The following LRBA variants were observed in gnomAD, a reference collection of about 807,000 sequenced individuals.
The protein encoded by LRBA is LPS responsive beige-like anchor protein.
In LRBA, 176 loss-of-function variants were observed where a neutral mutation model predicts 330.0. The observed-to-expected ratio is 0.53, with a 90% confidence interval of 0.47 to 0.60. LRBA has a LOEUF of 0.60. Among genes scored for constraint, LRBA ranks in the 20% least tolerant of loss-of-function variants. The pLI is 0.00. For missense variants in LRBA, 3,259 were observed against 3,444.8 expected (o/e 0.95, Z 1.35); for synonymous variants, 1,230 against 1,193.0 (o/e 1.03, Z -0.64).
At chr4:150,503,962 C>T (rs6844351) in intron 40 of LRBA, among the ~76,000 whole-genome samples, 2,718 of 152,072 alleles carry the variant, frequency 0.018, 86 homozygotes, top group African/African-American at 0.06. Flanking sequence ...CCTCAGTAGC[C>T]GATGCGATCA....
intron 2 of LRBA, among the ~76,000 whole-genome samples, chr4:150,954,817 C>CAAAAAAAAAAAAAA (rs34282784): frequency 1.3e-3 from 60 of 45,480 alleles, no homozygotes; most frequent in Non-Finnish European, 1.6e-3. Flanking sequence ...ACTCAGAAAT[C>CAAAAAAAAAAAAAA]AAAAAAAAAA....
At chr4:150,387,427 T>G (rs1165153249) in intron 47 of LRBA, among the ~76,000 whole-genome samples, 1 of 152,196 alleles carries the variant, frequency 6.6e-6, no homozygotes, top group Admixed American at 6.5e-5. Flanking sequence ...AGCACAACAT[T>G]TTTCAAATGA....
intron 37 of LRBA, among the ~76,000 whole-genome samples, chr4:150,674,719 A>C (rs918346245): frequency 4.6e-5 from 7 of 151,804 alleles, no homozygotes; most frequent in African/African-American, 1.7e-4. Flanking sequence ...TCGACAAAAA[A>C]ACTTAATTAG....
chr4:150,672,356 T>C (rs1201137455), intron 37 of LRBA, among the ~76,000 whole-genome samples: 1 of 152,004 alleles, frequency 6.6e-6, no homozygotes, highest in Non-Finnish European at 1.5e-5. Context: ...TTTTTTCTTT[T>C]TTTTTTTTAG....
intron 40 of LRBA, among the ~76,000 whole-genome samples, chr4:150,553,774 G>T (rs1168974576): frequency 6.6e-6 from 1 of 152,170 alleles, no homozygotes; most frequent in Non-Finnish European, 1.5e-5. Flanking sequence ...AATATGTTGA[G>T]TTTGTTTGGG....
At chr4:150,817,093 T>G (rs1230455415) in intron 31 of LRBA, 31 bp downstream of exon 31, 2 of 1,601,022 alleles carry the variant, frequency 1.2e-6, no homozygotes, top group East Asian at 4.5e-5. Context: ...TCTAAAAACA[T>G]TTTTGTTGAA....
At position 150,617,642 on chromosome 4, in the gene LRBA, C is replaced by CA. The variant is rs575248314; in HGVS notation, c.5922-18512dup. Among the ~76,000 whole-genome samples, 456 of 142,398 alleles carry CA rather than the reference C, an allele frequency of 3.2e-3. 1 individual carries two copies. Among genetic ancestry groups the CA allele is most frequent in the Non-Finnish European group, 4.8e-3 (315 of 64,972 alleles). The allele number at this position is 142,398 out of a possible 152,430, so 93.4% of individuals were successfully genotyped here. A position where few individuals can be genotyped will look rare whatever the true frequency, so the allele number is the denominator to read the frequency against. ...GGGCAACAAGAATGAGACTTCGTCT[C>CA]AAAAAAAAAAAATGGCTCTATCAAT... is the stretch of plus-strand genomic sequence containing the variant. On this transcript the variant is annotated intron_variant, in intron 37 of 56. Coordinates refer to ENST00000651943, the MANE Select transcript of LRBA (RefSeq NM_001364905.1).
intron 38 of LRBA, among the ~76,000 whole-genome samples, chr4:150,596,834 C>T (rs1306764071): frequency 2.6e-5 from 4 of 151,358 alleles, no homozygotes; most frequent in African/African-American, 9.7e-5. Flanking sequence ...ATAATACAAT[C>T]TATGTGCTGA....
intron 35 of LRBA, among the ~76,000 whole-genome samples, chr4:150,748,184 T>A (rs1041046420): frequency 6.6e-6 from 1 of 152,182 alleles, no homozygotes; most frequent in South Asian, 2.1e-4. Flanking sequence ...ATCACATATA[T>A]GTTTATTTCT....
chr4:150,852,450 T>A lies in LRBA; in HGVS notation c.3260A>T (p.Glu1087Val). ...TTCTGGCATCTCTGAGGCATCCTCT[T>A]CTGAAGGAGAACTTATAGAAGCAGT... Reference protein sequence around the residue: ...EVTASISSPSEEDASEMPEFL... With the variant: ...EVTASISSPSVEDASEMPEFL... Residue 1087 changes from glutamate to valine, a missense_variant, in exon 23 of 57, where the codon GAA becomes GTA. Glu to Val is a moderately radical substitution (Grantham distance 121). Coordinates refer to ENST00000651943, the MANE Select transcript of LRBA (RefSeq NM_001364905.1). The A allele has an allele frequency of 1.2e-6, 2 of 1,613,624 alleles. No individual in the cohort carries two copies. The highest frequency in any genetic ancestry group is 1.7e-6 in the Non-Finnish European group (2 of 1,179,994).
rs757123998 is a variant in LRBA at position 150,831,969 on chromosome 4, C to T, written c.4577G>A (p.Ser1526Asn). 119 of 1,502,646 alleles carry T rather than the reference C, an allele frequency of 7.9e-5. No homozygotes were observed. The highest frequency in any genetic ancestry group is 1.0e-4 in the Non-Finnish European group (113 of 1,117,786). 93.1% of individuals were successfully genotyped at this position (1,502,646 alleles called of 1,614,324 possible). ...CAAGGCTAAAAATTGAGCTTGTTTG[C>T]TATCCTCCTGGGAAAAAAAATTAAA... ...RAVVFRDIEDSKQAQFLALAV... is the reference protein window; with the variant it reads ...RAVVFRDIEDNKQAQFLALAV... The change falls in exon 29 of 57, where the codon AGC becomes AAC. Residue 1526 changes from serine (S) to asparagine (N), a missense_variant. Ser to Asn is a conservative substitution (Grantham distance 46). Transcript: ENST00000651943.
intron 56 of LRBA, 80 bp downstream of exon 56, chr4:150,277,773 A>C (rs1305660639): frequency 7.2e-7 from 1 of 1,393,674 alleles, no homozygotes; most frequent in East Asian, 2.3e-5. Context: ...AAGTACTGGG[A>C]TTACAGGTGT....
intron 2 of LRBA, among the ~76,000 whole-genome samples, chr4:150,934,816 C>G (rs920968408): frequency 7.2e-5 from 11 of 152,090 alleles, no homozygotes; most frequent in African/African-American, 2.4e-4. Context: ...TGAGATCAGC[C>G]TGGGCAACAC....
At chr4:150,428,239 T>C (rs1749902582) in intron 46 of LRBA, among the ~76,000 whole-genome samples, 1 of 152,084 alleles carries the variant, frequency 6.6e-6, no homozygotes, top group Non-Finnish European at 1.5e-5. Context: ...TTACTGACCC[T>C]ACTAACTTCA....
intron 40 of LRBA, chr4:150,580,365 T>G (rs2126356775): frequency 6.6e-6 from 1 of 152,242 alleles, no homozygotes; most frequent in Middle Eastern, 3.4e-3. Context: ...ACAAACTGCC[T>G]GTGGTCCGCA....
At chr4:150,811,351 A>G (rs1339821354) in intron 31 of LRBA, among the ~76,000 whole-genome samples, 3 of 152,228 alleles carry the variant, frequency 2.0e-5, no homozygotes, top group East Asian at 1.9e-4. Flanking sequence ...AAAGGAACAC[A>G]TAAGGACCCA....
intron 37 of LRBA, among the ~76,000 whole-genome samples, chr4:150,650,534 T>C (rs1000094158): frequency 1.3e-5 from 2 of 152,070 alleles, no homozygotes; most frequent in Non-Finnish European, 2.9e-5. Flanking sequence ...CTGAAAAGCA[T>C]TGTAAACATC....
chr4:150,454,346 G>A (rs1455515967), intron 44 of LRBA, among the ~76,000 whole-genome samples: 2 of 151,934 alleles, frequency 1.3e-5, no homozygotes, highest in Non-Finnish European at 2.9e-5. Flanking sequence ...CAGAAACTGG[G>A]ACAGAATTCT....
At chr4:150,579,296 A>T in intron 40 of LRBA, 1 of 456,222 alleles carries the variant, frequency 2.2e-6, no homozygotes. Flanking sequence ...TTATTCAACC[A>T]GAGGAAGAGA....
Sources: allele counts gnomAD v4.1 joint callset (sites outside exome capture counted in the v4.1 genomes callset), GRCh38; gene constraint gnomAD v4.1.1; transcripts MANE v1.5; gene names NCBI Gene and HGNC (gene_info 2026-07-23, HGNC 2026-07-21).